Variants in DCC observed in about 807,000 individuals in gnomAD.
The protein encoded by DCC is netrin receptor DCC.
A neutral mutation model predicts 172.5 loss-of-function variants in DCC; 58 were observed. The observed-to-expected ratio is 0.34, with a 90% confidence interval of 0.27 to 0.42. The LOEUF is 0.42. Among genes scored for constraint, DCC ranks in the 10% least tolerant of loss-of-function variants. The pLI is 1.00. For missense variants in DCC, 1,740 were observed against 1,791.0 expected (o/e 0.97, Z 0.51); for synonymous variants, 709 against 644.5 (o/e 1.10, Z -1.52).
At chr18:52,935,683 C>T (rs2040371049) in intron 5 of DCC, among the ~76,000 whole-genome samples, 1 of 152,058 alleles carries the variant, frequency 6.6e-6, no homozygotes, top group Non-Finnish European at 1.5e-5. Context: ...GGTTCATCTA[C>T]CTCAGACTTG....
At chr18:53,056,112 A>G (rs2042400261) in intron 5 of DCC, among the ~76,000 whole-genome samples, 1 of 152,122 alleles carries the variant, frequency 6.6e-6, no homozygotes, top group Non-Finnish European at 1.5e-5. Context: ...AGACTGAGTA[A>G]CTTATAAAGA....
At chr18:52,700,388 C>T (rs2036103095) in intron 1 of DCC, among the ~76,000 whole-genome samples, 1 of 150,878 alleles carries the variant, frequency 6.6e-6, no homozygotes, top group African/African-American at 2.4e-5. Flanking sequence ...CATGCACACT[C>T]ATGCACATGC....
intron 21 of DCC, among the ~76,000 whole-genome samples, chr18:53,417,741 A>T (rs1910402323): frequency 6.6e-6 from 1 of 152,144 alleles, no homozygotes. Context: ...TTGACAACAA[A>T]CATGTCCAGG....
At chr18:52,929,639 T>TA (rs2040273366) in intron 5 of DCC, among the ~76,000 whole-genome samples, 1 of 152,112 alleles carries the variant, frequency 6.6e-6, no homozygotes, top group South Asian at 2.1e-4. Context: ...TTATTTTTTT[T>TA]ACTGTAACTT....
In DCC at chr18:52,931,361, A is replaced by G. The variant is rs185092810; in HGVS notation, c.985+5991A>G. ...GAATTTAATCATATTTGTATTCTTC[A>G]TAAGATAAAATCCCACAAGAAATCC... On this transcript the variant is annotated intron_variant, in intron 5 of 28. Coordinates refer to ENST00000442544, the MANE Select transcript of DCC (RefSeq NM_005215.4). Among the ~76,000 whole-genome samples the G allele has an allele frequency of 3.1e-4, 47 of 152,276 alleles. No homozygotes were observed. In the East Asian group the frequency reaches 8.7e-3, roughly 28 times the overall value.
intron 2 of DCC, among the ~76,000 whole-genome samples, chr18:52,788,724 G>A (rs7242916): frequency 0.03 from 4,627 of 152,198 alleles, 264 homozygotes; most frequent in African/African-American, 0.11. Flanking sequence ...GCTTCAGGGC[G>A]GAGCCCTTGG....
At chr18:53,427,883 T>A (rs60503134) in intron 21 of DCC, among the ~76,000 whole-genome samples, 1 of 40,790 alleles carries the variant, frequency 2.5e-5, no homozygotes, top group African/African-American at 5.4e-5. Context: ...TATATACATA[T>A]ATAATATAAT....
intron 17 of DCC, among the ~76,000 whole-genome samples, chr18:53,394,515 G>T (rs541795574): frequency 2.0e-5 from 3 of 152,132 alleles, no homozygotes; most frequent in South Asian, 2.1e-4. Flanking sequence ...TTCTATTAAA[G>T]TATTTAATCA....
Position 52,625,052 on chromosome 18 carries a change from C to T in DCC, c.92-127002C>T, listed in dbSNP as rs536552705. 2.6e-5 allele frequency among the ~76,000 whole-genome samples: 4 copies of T among 152,164 alleles called. No homozygotes were observed. The South Asian group carries it at 8.3e-4, about 32-fold the overall frequency. On this transcript the variant is annotated intron_variant, in intron 1 of 28. Coordinates refer to ENST00000442544, the MANE Select transcript of DCC (RefSeq NM_005215.4). Reference sequence around the variant, plus strand: ...TAGCCTATTGTTCCTAGGCTACAAACCTGTACAGCTTGTTACTGTACTGAA... The same window carrying T: ...TAGCCTATTGTTCCTAGGCTACAAATCTGTACAGCTTGTTACTGTACTGAA...
At chr18:52,967,267 A>G (rs2040949717) in intron 5 of DCC, among the ~76,000 whole-genome samples, 1 of 152,090 alleles carries the variant, frequency 6.6e-6, no homozygotes, top group Admixed American at 6.6e-5. Flanking sequence ...ATTCTTTTTC[A>G]TGGAGCAAAT....
intron 1 of DCC, among the ~76,000 whole-genome samples, chr18:52,719,786 CTG>C (rs1354409131): frequency 6.6e-6 from 1 of 152,100 alleles, no homozygotes; most frequent in Admixed American, 6.5e-5. Flanking sequence ...CAGGTACCGA[CTG>C]GAGAATAACA....
chr18:52,800,876 T>C lies in DCC; in HGVS notation c.412+48502T>C, dbSNP rs190628192. On this transcript the variant is annotated intron_variant, in intron 2 of 28. Transcript: ENST00000442544. The stretch of plus-strand genomic sequence containing the variant: ...TTTTATTCATAATTCACTGGGTAAT[T>C]CTACTGGTCTGGGCCAGCTGGACTG... 2.4e-4 allele frequency among the ~76,000 whole-genome samples: 37 copies of C among 152,306 alleles called. 2 individuals are homozygous for C. In the East Asian group the frequency reaches 6.6e-3, roughly 27 times the overall value.
chr18:53,021,349 ATGAG>A (rs1272124296), intron 5 of DCC, among the ~76,000 whole-genome samples: 2 of 152,172 alleles, frequency 1.3e-5, no homozygotes, highest in Non-Finnish European at 2.9e-5. Context: ...ATTGAAGTGA[ATGAG>A]CTGTGAGTGA....
chr18:53,053,679 G>C (rs889019353), intron 5 of DCC, among the ~76,000 whole-genome samples: 12 of 151,926 alleles, frequency 7.9e-5, no homozygotes, highest in African/African-American at 2.9e-4. Context: ...ATACCAACAG[G>C]GAATACTAGA....
chr18:52,981,159 ATTTATC>A (rs2041203084), intron 5 of DCC, among the ~76,000 whole-genome samples: 1 of 152,066 alleles, frequency 6.6e-6, no homozygotes, highest in African/African-American at 2.4e-5. Context: ...AAAATATAAA[ATTTATC>A]TTTATATGGT....
chr18:52,918,458 C>T (rs1598929065), intron 3 of DCC, among the ~76,000 whole-genome samples: 1 of 152,092 alleles, frequency 6.6e-6, no homozygotes, highest in Admixed American at 6.6e-5. Flanking sequence ...TTCCTTTGCT[C>T]TTAAATATGT....
intron 7 of DCC, among the ~76,000 whole-genome samples, chr18:53,153,375 G>T (rs1379665608): frequency 6.6e-6 from 1 of 151,934 alleles, no homozygotes; most frequent in Non-Finnish European, 1.5e-5. Flanking sequence ...AAATTTATAG[G>T]AATGAGAATA....
chr18:53,048,989 A>T (rs1599068508), intron 5 of DCC, among the ~76,000 whole-genome samples: 1 of 152,052 alleles, frequency 6.6e-6, no homozygotes, highest in East Asian at 1.9e-4. Context: ...CTTCTTTTGA[A>T]CAGTGTCTTT....
rs142098917 is a variant in DCC at position 53,241,594 on chromosome 18, G to C, written c.1911+25997G>C. Among the ~76,000 whole-genome samples the C allele has an allele frequency of 3.2e-3, 480 of 152,288 alleles. 2 individuals carry two copies. Among genetic ancestry groups the C allele is most frequent in the African/African-American group, 0.011 (453 of 41,574 alleles). ...AAAAGTGTCTTCAAGGTTTTCTTCT[G>C]CTTCCGCCATAAAGAGAACCAGGCA... On this transcript the variant is annotated intron_variant, in intron 12 of 28. Coordinates refer to ENST00000442544, the MANE Select transcript of DCC (RefSeq NM_005215.4).
Sources: allele counts gnomAD v4.1 joint callset (sites outside exome capture counted in the v4.1 genomes callset), GRCh38; gene constraint gnomAD v4.1.1; transcripts MANE v1.5; gene names NCBI Gene and HGNC (gene_info 2026-07-23, HGNC 2026-07-21).